Variants in PHYH observed in about 807,000 individuals in gnomAD.
PHYH encodes phytanoyl-CoA 2-hydroxylase.
A neutral mutation model predicts 38.5 loss-of-function variants in PHYH; 32 were observed. The ratio of observed to expected loss-of-function variants is 0.83; its 90% confidence interval spans 0.63 to 1.12. The LOEUF (loss-of-function observed/expected upper bound fraction) is 1.12. Among genes scored for constraint, PHYH ranks in the 50% most tolerant of loss-of-function variants. PHYH has a pLI of 0.00. For synonymous variants in PHYH, 166 were observed against 157.9 expected (o/e 1.05, Z -0.38); for missense variants, 426 against 434.8 (o/e 0.98, Z 0.18).
At chr10:13,279,209 G>C (rs1588505021) in intron 8 of PHYH, among the ~76,000 whole-genome samples, 1 of 151,824 alleles carries the variant, frequency 6.6e-6, no homozygotes, top group Admixed American at 6.6e-5. Flanking sequence ...TGTTGGTAAG[G>C]CTGGTCTCAA....
chr10:13,284,714 T>C (rs1473574166), intron 6 of PHYH, among the ~76,000 whole-genome samples: 2 of 152,236 alleles, frequency 1.3e-5, no homozygotes, highest in Non-Finnish European at 2.9e-5. Context: ...TGTTTGTAAC[T>C]ATTTCCCAAA....
chr10:13,290,939 G>A (rs6602646), intron 5 of PHYH, among the ~76,000 whole-genome samples: 122,128 of 151,836 alleles, frequency 0.8, 49,871 homozygotes, highest in East Asian at 0.98. Context: ...TCTACTAAAA[G>A]TACAAAAATT....
intron 1 of PHYH, among the ~76,000 whole-genome samples, chr10:13,298,973 TAAC>T (rs1486788149): frequency 1.4e-5 from 2 of 142,486 alleles, no homozygotes; most frequent in African/African-American, 5.2e-5. Context: ...ATAACAACAA[TAAC>T]AACAACAACA....
chr10:13,292,245 C>A (rs531862944), intron 4 of PHYH, among the ~76,000 whole-genome samples: 19 of 152,184 alleles, frequency 1.2e-4, no homozygotes, highest in Non-Finnish European at 2.5e-4. Context: ...AGGGCAGTTT[C>A]CTCTTCCTCA....
chr10:13,299,567 C>A (rs550436902), intron 1 of PHYH: 1 of 1,020,570 alleles, frequency 9.8e-7, no homozygotes, highest in Non-Finnish European at 1.2e-6. Flanking sequence ...CCGGTCACTG[C>A]CTGCCTGGGC....
At chr10:13,295,679 T>C in intron 2 of PHYH, 73 bp from the exon 3 acceptor site, 1 of 761,748 alleles carries the variant, frequency 1.3e-6, no homozygotes, top group South Asian at 1.4e-5. Flanking sequence ...CTCACACCTC[T>C]AATACTAGCA....
chr10:13,294,641 A>T, intron 3 of PHYH, 45 bp from the exon 4 acceptor site: 1 of 1,558,918 alleles, frequency 6.4e-7, no homozygotes, highest in East Asian at 2.2e-5. Flanking sequence ...GCTGGCTCCA[A>T]GCACCTGCCC....
rs557758439 is a variant in PHYH, at chr10:13,283,957, G to A, written c.679-118C>T. 8.9e-6 allele frequency: 8 copies of A among 902,278 alleles called. No homozygotes were observed. The East Asian group carries it at 1.9e-4, about 22-fold the overall frequency. 55.9% of individuals were successfully genotyped at this position (902,278 alleles called of 1,614,324 possible). A position where few individuals can be genotyped will look rare whatever the true frequency, so the allele number is the denominator to read the frequency against. Reference sequence around the variant, plus strand: ...AAGAAAGCATTTCTCTCTCCCAAGAGAAATAAATGTCTAAATTAAATGCTT... The same window carrying A: ...AAGAAAGCATTTCTCTCTCCCAAGAAAAATAAATGTCTAAATTAAATGCTT... On this transcript the variant is annotated intron_variant, in intron 6 of 8. Coordinates refer to ENST00000263038, the MANE Select transcript of PHYH (RefSeq NM_006214.4).
rs554340416 is a variant in PHYH, at chr10:13,286,499, G to A, written c.678+1861C>T. Among the ~76,000 whole-genome samples, 9 of 152,098 alleles carry A rather than the reference G, an allele frequency of 5.9e-5. No homozygotes were observed. In the East Asian group the frequency reaches 1.2e-3, roughly 20 times the overall value. ...AGGCAGATCACGAAGTCAGGAGATC[G>A]AGACCATCCTGGCCAACATAGTGAA... is the stretch of plus-strand genomic sequence containing the variant. On this transcript the variant is annotated intron_variant, in intron 6 of 8. Transcript: ENST00000263038.
At position 13,278,199 on chromosome 10, in the gene PHYH, A is replaced by T. The variant is rs1835333229; in HGVS notation, c.*102T>A. ...CTGATACATGTTTTCTGCTTTTAACAAGTGATAGAAAAGGTTACATCATCT... is the reference window on the plus strand; with the variant it reads ...CTGATACATGTTTTCTGCTTTTAACTAGTGATAGAAAAGGTTACATCATCT... On this transcript the variant is annotated 3_prime_UTR_variant, in exon 9 of 9. Transcript: ENST00000263038. The T allele has an allele frequency of 2.5e-6, 2 of 805,980 alleles. No homozygotes were observed. Among genetic ancestry groups the T allele is most frequent in the Non-Finnish European group, 4.4e-6 (2 of 456,730 alleles). 49.9% of individuals were successfully genotyped at this position (805,980 alleles called of 1,614,324 possible).
intron 5 of PHYH, among the ~76,000 whole-genome samples, chr10:13,289,360 T>C (rs1157981665): frequency 2.0e-5 from 3 of 151,210 alleles, no homozygotes; most frequent in Non-Finnish European, 4.4e-5. Context: ...CACGCCCGGC[T>C]AATTTTTTGT....
At chr10:13,283,931 A>G (rs1459052454) in intron 6 of PHYH, 92 bp from the exon 7 acceptor site, 2 of 1,092,072 alleles carry the variant, frequency 1.8e-6, no homozygotes, top group African/African-American at 1.5e-5. Flanking sequence ...AACATCAGGG[A>G]AAGAAAGCAT....
In PHYH at chr10:13,277,934, G is replaced by T; in HGVS notation, c.*367C>A. 2 of 321,644 alleles carry T rather than the reference G, an allele frequency of 6.2e-6. No homozygotes were observed. Among genetic ancestry groups the T allele is most frequent in the South Asian group, 2.8e-5 (1 of 35,586 alleles). 19.9% of individuals were successfully genotyped at this position (321,644 alleles called of 1,614,324 possible). ...ATGACATAAAATTGGTAGGGAATGG[G>T]TTTATCAGAAAGGGGATACAAAACA... On this transcript the variant is annotated 3_prime_UTR_variant, in exon 9 of 9. Coordinates refer to ENST00000263038, the MANE Select transcript of PHYH (RefSeq NM_006214.4).
chr10:13,293,702 G>C (rs1280893361), intron 4 of PHYH, among the ~76,000 whole-genome samples: 1 of 152,078 alleles, frequency 6.6e-6, no homozygotes, highest in Non-Finnish European at 1.5e-5. Flanking sequence ...CTGGCCTCAA[G>C]TGATTCTCCT....
chr10:13,298,439 G>C lies in PHYH; in HGVS notation c.76-194C>G, dbSNP rs145668485. Among the ~76,000 whole-genome samples, 52 of 152,076 alleles carry C rather than the reference G, an allele frequency of 3.4e-4. 1 individual carries two copies. The East Asian group carries it at 8.3e-3, about 24-fold the overall frequency. On this transcript the variant is annotated intron_variant, in intron 1 of 8. Transcript: ENST00000263038. The stretch of plus-strand genomic sequence containing the variant: ...AATTAGGCCGGGGGCGGTGGCTCAC[G>C]TTTGTAATCCTAGCACTTTGGGAGG...
At chr10:13,299,455 T>C in intron 1 of PHYH, 2 of 1,002,294 alleles carry the variant, frequency 2.0e-6, no homozygotes, top group Non-Finnish European at 2.4e-6. Flanking sequence ...TTTATATAAC[T>C]CAGTGGCAAT....
intron 5 of PHYH, among the ~76,000 whole-genome samples, chr10:13,290,939 G>C (rs6602646): frequency 6.6e-6 from 1 of 151,758 alleles, no homozygotes; most frequent in Non-Finnish European, 1.5e-5. Flanking sequence ...TCTACTAAAA[G>C]TACAAAAATT....
rs1003506080 is a variant in PHYH at position 13,299,620 on chromosome 10, G to A, written c.75+348C>T. 4.3e-5 allele frequency: 47 copies of A among 1,102,898 alleles called. No homozygotes were observed. The African/African-American group carries it at 7.6e-4, about 18-fold the overall frequency. The allele number at this position is 1,102,898 out of a possible 1,614,324, so 68.3% of individuals were successfully genotyped here. A position where few individuals can be genotyped will look rare whatever the true frequency, so the allele number is the denominator to read the frequency against. On this transcript the variant is annotated intron_variant, in intron 1 of 8. Coordinates refer to ENST00000263038, the MANE Select transcript of PHYH (RefSeq NM_006214.4). ...GCGCGCCTGTGCACCGTGCGCCTGT[G>A]ATTGGACATCTCTGGGTCTCTGGAC... is the stretch of plus-strand genomic sequence containing the variant.
chr10:13,284,396 A>G (rs893646501), intron 6 of PHYH, among the ~76,000 whole-genome samples: 3 of 152,216 alleles, frequency 2.0e-5, no homozygotes, highest in Non-Finnish European at 4.4e-5. Context: ...GGAAATGAAC[A>G]GTGTGGAATT....
Sources: allele counts gnomAD v4.1 joint callset (sites outside exome capture counted in the v4.1 genomes callset), GRCh38; gene constraint gnomAD v4.1.1; transcripts MANE v1.5; gene names NCBI Gene and HGNC (gene_info 2026-07-23, HGNC 2026-07-21).